SMTN: variants seen among roughly 807,000 people sequenced by gnomAD.
SMTN encodes smoothelin.
A neutral mutation model predicts 102.0 loss-of-function variants in SMTN; 58 were observed. The ratio of observed to expected loss-of-function variants is 0.57; its 90% confidence interval spans 0.46 to 0.71. The LOEUF (loss-of-function observed/expected upper bound fraction) is 0.71, where lower values mean the gene tolerates loss of function less well. Among genes scored for constraint, SMTN ranks in the 30% least tolerant of loss-of-function variants. The pLI is 0.00. For missense variants in SMTN, 1,185 were observed against 1,241.7 expected, an observed-to-expected ratio of 0.95 and a Z score of 0.69; for synonymous variants, 478 against 497.9, an observed-to-expected ratio of 0.96 and a Z score of 0.53.
In SMTN at chr22:31,100,902, C is replaced by A. The variant is rs560280218; in HGVS notation, c.2621C>A (p.Pro874Gln). The change falls in exon 20 of 21, where the codon CCG becomes CAG. Residue 874 changes from proline to glutamine, a missense_variant. Transcript: ENST00000333137. ...CTCCCCAGGACCCATGCGGACTGCC[C>A]GCAGCTCCTGGATACAGAGGACATG... ...FSSAETHADC[P>Q]QLLDTEDMVR... 1.2e-6 allele frequency: 2 copies of A among 1,606,640 alleles called. No individual in the cohort carries two copies. Among genetic ancestry groups the A allele is most frequent in the African/African-American group, 1.3e-5 (1 of 74,814 alleles).
intron 11 of SMTN, 95 bp downstream of exon 11, chr22:31,091,942 C>T: frequency 5.1e-6 from 6 of 1,177,360 alleles, no homozygotes; most frequent in Non-Finnish European, 7.0e-6. Flanking sequence ...TGCTCCTCCC[C>T]TACTGCACAC....
rs144078657 is a variant in SMTN, at chr22:31,096,823, C to T, written c.1952C>T (p.Thr651Met). Residue 651 changes from threonine (T) to methionine (M), a missense_variant, in exon 14 of 21, where the codon ACG becomes ATG. By Grantham distance (81) the Thr-to-Met change is moderately conservative. Transcript: ENST00000333137. ...GRGNTATETT[T>M]RHSQRAADGS... ...GGCAACACAGCCACTGAGACCACCA[C>T]GAGGCACAGCCAGCGGGCAGCTGAT... The T allele has an allele frequency of 3.0e-5, 48 of 1,574,414 alleles. No homozygotes were observed. The highest frequency in any genetic ancestry group is 1.7e-4 in the Middle Eastern group (1 of 5,890).
intron 8 of SMTN, among the ~76,000 whole-genome samples, 151 bp from the exon 9 acceptor site, chr22:31,090,654 CAGG>C (rs889225165): frequency 3.3e-5 from 5 of 151,996 alleles, no homozygotes; most frequent in Admixed American, 3.3e-4. Flanking sequence ...GTGGGAGATC[CAGG>C]AGGGGATGGA....
chr22:31,092,615 G>A (rs1014541554), intron 11 of SMTN: 42 of 456,884 alleles, frequency 9.2e-5, no homozygotes, highest in Admixed American at 4.3e-4. Context: ...CTTCTCAGGG[G>A]AGACAGGGAG....
chr22:31,072,521 G>A (rs1171782124), intron 1 of SMTN, among the ~76,000 whole-genome samples: 1 of 152,094 alleles, frequency 6.6e-6, no homozygotes, highest in Non-Finnish European at 1.5e-5. Flanking sequence ...GGAGGGCAAT[G>A]CACGATCTCA....
At chr22:31,073,311 G>A (rs1329942952) in intron 1 of SMTN, among the ~76,000 whole-genome samples, 1 of 152,120 alleles carries the variant, frequency 6.6e-6, no homozygotes, top group Admixed American at 6.5e-5. Flanking sequence ...GGAATGTAAC[G>A]GAAGCAATGC....
chr22:31,077,556 G>A (rs2042161044), upstream of SMTN, among the ~76,000 whole-genome samples: 1 of 152,060 alleles, frequency 6.6e-6, no homozygotes, highest in Non-Finnish European at 1.5e-5. Context: ...CAACCCATCA[G>A]GTAGCAATTA....
intron 1 of SMTN, among the ~76,000 whole-genome samples, chr22:31,070,923 C>CAAAAA (rs111579063): frequency 1.9e-5 from 2 of 104,478 alleles, no homozygotes; most frequent in Non-Finnish European, 3.8e-5. Context: ...AACTCTGTCT[C>CAAAAA]AAAAAAAAAA....
At position 31,089,765 on chromosome 22, in the gene SMTN, A is replaced by G; in HGVS notation, c.538A>G (p.Thr180Ala). ...AAAGCCAACCCCCACCCCTGAAGGCACCAGCCAGGATGTGACCACAGTGAC... is the reference window on the plus strand; with the variant it reads ...AAAGCCAACCCCCACCCCTGAAGGCGCCAGCCAGGATGTGACCACAGTGAC... ...VSKPTPTPEG[T>A]SQDVTTVTLL... is the part of the protein sequence containing the mutation. The change falls in exon 7 of 21, where the codon ACC (threonine) becomes GCC (alanine). Residue 180 changes from threonine (T) to alanine (A), a missense_variant. Around this residue, in one of 2 missense-constraint regions of SMTN, gnomAD observed 1,096 missense variants for 1,112.7 expected, o/e 0.98. Coordinates refer to ENST00000333137, the MANE Select transcript of SMTN (RefSeq NM_134269.3). 6.2e-7 allele frequency: 1 copy of G among 1,612,014 alleles called. No homozygotes were observed. The highest frequency in any genetic ancestry group is 1.1e-5 in the South Asian group (1 of 91,066).
intron 2 of SMTN, among the ~76,000 whole-genome samples, chr22:31,084,525 C>G (rs1421551160): frequency 6.6e-6 from 1 of 152,184 alleles, no homozygotes; most frequent in Non-Finnish European, 1.5e-5. Context: ...GTTAGGTTTC[C>G]AAAGGTGCCC....
At chr22:31,071,362 A>G (rs1364617584) in intron 1 of SMTN, among the ~76,000 whole-genome samples, 4 of 150,374 alleles carry the variant, frequency 2.7e-5, no homozygotes, top group Non-Finnish European at 5.9e-5. Context: ...AGCGGGCATC[A>G]TGGCTCACAC....
At chr22:31,084,940 C>A (rs1276143652) in intron 2 of SMTN, 2 of 1,366,420 alleles carry the variant, frequency 1.5e-6, no homozygotes, top group Non-Finnish European at 9.4e-7. Flanking sequence ...GGCTCCTCCC[C>A]GCGGGGCCGG....
rs756281649 is a variant in SMTN, at chr22:31,098,824, A to G, written c.2317A>G (p.Lys773Glu). The G allele has an allele frequency of 5.6e-6, 9 of 1,609,894 alleles. No homozygotes were observed. In the South Asian group the frequency reaches 9.9e-5, roughly 18 times the overall value. ...ARKAMIEKLE[K>E]EGAAGSPGGP... is the part of the protein sequence containing the mutation. ...CAAGGCCATGATTGAGAAGCTGGAG[A>G]AGGAGGGCGCGGCCGGGTGAGCTGC... Residue 773 changes from lysine (K) to glutamate (E), a missense_variant, in exon 17 of 21, where the codon AAG (lysine) becomes GAG (glutamate). Lys to Glu is a moderately conservative substitution (Grantham distance 56). Around this residue, in one of 2 missense-constraint regions of SMTN, gnomAD observed 1,096 missense variants for 1,112.7 expected, o/e 0.98. Coordinates refer to ENST00000333137, the MANE Select transcript of SMTN (RefSeq NM_134269.3).
intron 1 of SMTN, chr22:31,082,601 G>A: frequency 1.8e-6 from 1 of 568,810 alleles, no homozygotes; most frequent in East Asian, 4.3e-5. Flanking sequence ...ATTGGCAGGA[G>A]GTGCTGGGTG....
chr22:31,076,922 G>A (rs1009271918), upstream of SMTN, among the ~76,000 whole-genome samples: 1 of 152,146 alleles, frequency 6.6e-6, no homozygotes, highest in African/African-American at 2.4e-5. Flanking sequence ...TCCCTACTCT[G>A]CCAGTCCAGA....
At chr22:31,074,659 G>A (rs2042085667) in intron 1 of SMTN, among the ~76,000 whole-genome samples, 1 of 152,048 alleles carries the variant, frequency 6.6e-6, no homozygotes, top group Non-Finnish European at 1.5e-5. Flanking sequence ...GCGTGGTGGT[G>A]CACACCAGTA....
chr22:31,093,628 G>T, intron 11 of SMTN: 1 of 769,246 alleles, frequency 1.3e-6, no homozygotes. Context: ...GCTGCGGGCA[G>T]AGAGAGCAGC....
At chr22:31,101,147 G>C in intron 20 of SMTN, 98 bp downstream of exon 20, 1 of 1,196,390 alleles carries the variant, frequency 8.4e-7, no homozygotes, top group Non-Finnish European at 1.2e-6. Flanking sequence ...AGTAAGGGGG[G>C]CATTTAGTCA....
At chr22:31,077,427 T>C (rs2042158133), upstream of SMTN, among the ~76,000 whole-genome samples, 1 of 151,866 alleles carries the variant, frequency 6.6e-6, no homozygotes, top group East Asian at 1.9e-4. Flanking sequence ...ACGAGGGTTC[T>C]GAGCCTGTCT....
Sources: gnomAD v4.1 joint callset for allele counts (sites outside exome capture counted in the v4.1 genomes callset) on GRCh38, gnomAD v4.1.1 for gene constraint, gnomAD v4.1.1 regional missense constraint, MANE v1.5 for transcripts, NCBI Gene and HGNC (gene_info 2026-07-23, HGNC 2026-07-21) for gene names.